Variants in PPARGC1A observed in about 807,000 individuals in gnomAD.
PPARGC1A encodes the protein PPARG coactivator 1 alpha.
In PPARGC1A, 25 loss-of-function variants were observed where a neutral mutation model predicts 88.7. That is an observed-to-expected ratio of 0.28 (90% CI 0.21 to 0.39). PPARGC1A has a LOEUF of 0.39. PPARGC1A is among the 10% of genes least tolerant of loss of function. PPARGC1A has a pLI of 1.00. For synonymous variants in PPARGC1A, 363 were observed against 355.6 expected (o/e 1.02, Z -0.24); for missense variants, 880 against 968.7 (o/e 0.91, Z 1.22).
chr4:24,198,389 C>T, the PPARGC1A span, among the ~76,000 whole-genome samples: 4 of 152,150 alleles, frequency 2.6e-5, no homozygotes, highest in African/African-American at 2.4e-5. Flanking sequence ...CTTACAGGGT[C>T]GCTGCTCCTA....
the PPARGC1A span, among the ~76,000 whole-genome samples, chr4:24,178,965 C>T: frequency 2.0e-5 from 3 of 152,146 alleles, no homozygotes; most frequent in Non-Finnish European, 4.4e-5. Flanking sequence ...CCGTATTCTT[C>T]ACCTACAGCT....
At chr4:23,945,537 A>G in the PPARGC1A span, among the ~76,000 whole-genome samples, 2 of 152,194 alleles carry the variant, frequency 1.3e-5, no homozygotes, top group African/African-American at 4.8e-5. Context: ...AGAAGCAATC[A>G]TGAGGACAGA....
In PPARGC1A at chr4:23,818,153, A is replaced by G. The variant is rs1297691277; in HGVS notation, c.878-3548T>C. 3.3e-5 allele frequency among the ~76,000 whole-genome samples: 5 copies of G among 152,184 alleles called. No individual in the cohort carries two copies. In the East Asian group the frequency reaches 7.7e-4, roughly 24 times the overall value. Reference sequence around the variant, plus strand: ...TAATGCCTCCCATAACCTCTGGATTATTTCCTGCGTGTTGATTTTCTGGGG... The same window carrying G: ...TAATGCCTCCCATAACCTCTGGATTGTTTCCTGCGTGTTGATTTTCTGGGG... On this transcript the variant is annotated intron_variant, in intron 7 of 12. Transcript: ENST00000264867.
chr4:24,065,306 G>A, the PPARGC1A span, among the ~76,000 whole-genome samples: 5 of 152,032 alleles, frequency 3.3e-5, no homozygotes, highest in Admixed American at 1.3e-4. Context: ...AGGCATTAGC[G>A]GGTCCCTTCC....
At chr4:23,944,248 C>G in the PPARGC1A span, among the ~76,000 whole-genome samples, 3 of 152,116 alleles carry the variant, frequency 2.0e-5, no homozygotes, top group African/African-American at 7.2e-5. Flanking sequence ...TAAAAAGATT[C>G]TAAAATAAAA....
At chr4:23,910,394 T>A in the PPARGC1A span, among the ~76,000 whole-genome samples, 5 of 112,174 alleles carry the variant, frequency 4.5e-5, no homozygotes, top group East Asian at 6.4e-4. Flanking sequence ...ATTATATATA[T>A]TATATATATA....
the PPARGC1A span, among the ~76,000 whole-genome samples, chr4:24,305,146 T>TATATATATATAC: frequency 1.3e-5 from 2 of 148,886 alleles, no homozygotes; most frequent in Non-Finnish European, 3.0e-5. Context: ...TATATATATA[T>TATATATATATAC]ATACATACAC....
At chr4:24,099,361 C>G in the PPARGC1A span, among the ~76,000 whole-genome samples, 1 of 149,662 alleles carries the variant, frequency 6.7e-6, no homozygotes, top group Admixed American at 6.6e-5. Context: ...ATTTTAAAAC[C>G]TTTTCTGTCA....
At chr4:24,125,146 A>G in the PPARGC1A span, among the ~76,000 whole-genome samples, 1 of 152,320 alleles carries the variant, frequency 6.6e-6, no homozygotes, top group Non-Finnish European at 1.5e-5. Flanking sequence ...CTTTAGGCAG[A>G]ATAATGAGCC....
At chr4:24,297,932 A>G in the PPARGC1A span, among the ~76,000 whole-genome samples, 1 of 152,216 alleles carries the variant, frequency 6.6e-6, no homozygotes, top group African/African-American at 2.4e-5. Context: ...TTGTTTACAA[A>G]GAGAAAATAA....
chr4:24,292,110 C>A, the PPARGC1A span, among the ~76,000 whole-genome samples: 1 of 152,118 alleles, frequency 6.6e-6, no homozygotes, highest in Non-Finnish European at 1.5e-5. Flanking sequence ...GATTCAGCCA[C>A]GCTGAAGTTT....
chr4:23,925,584 G>A, the PPARGC1A span, among the ~76,000 whole-genome samples: 1 of 152,310 alleles, frequency 6.6e-6, no homozygotes, highest in African/African-American at 2.4e-5. Flanking sequence ...AGCAGTGAAG[G>A]AGACGTATTT....
At chr4:24,221,930 A>G in the PPARGC1A span, among the ~76,000 whole-genome samples, 124,719 of 152,134 alleles carry the variant, frequency 0.82, 51,888 homozygotes, top group Middle Eastern at 0.93. Flanking sequence ...TGTTCTAGAA[A>G]CATCCCAGAT....
the PPARGC1A span, among the ~76,000 whole-genome samples, chr4:24,049,793 C>T: frequency 1.3e-5 from 2 of 152,118 alleles, no homozygotes; most frequent in South Asian, 2.1e-4. Flanking sequence ...TTAAGCTCTG[C>T]GTGCCCTTTT....
chr4:24,241,581 T>C, the PPARGC1A span, among the ~76,000 whole-genome samples: 1 of 152,256 alleles, frequency 6.6e-6, no homozygotes, highest in Non-Finnish European at 1.5e-5. Context: ...TTTTCCATTC[T>C]TATACCCATT....
At chr4:24,073,272 A>G in the PPARGC1A span, among the ~76,000 whole-genome samples, 1 of 151,904 alleles carries the variant, frequency 6.6e-6, no homozygotes, top group African/African-American at 2.4e-5. Flanking sequence ...TCCATCTCCT[A>G]ACCTTGTGAT....
At chr4:24,354,252 G>A in the PPARGC1A span, among the ~76,000 whole-genome samples, 2 of 152,080 alleles carry the variant, frequency 1.3e-5, no homozygotes, top group African/African-American at 4.8e-5. Flanking sequence ...GGCCCACCGG[G>A]ATAATCCAAG....
chr4:24,365,190 A>G, the PPARGC1A span, among the ~76,000 whole-genome samples: 25 of 152,124 alleles, frequency 1.6e-4, no homozygotes, highest in African/African-American at 5.6e-4. Flanking sequence ...GATTGATTTC[A>G]AGTTGCAATG....
chr4:24,090,780 G>A, the PPARGC1A span, among the ~76,000 whole-genome samples: 1 of 152,232 alleles, frequency 6.6e-6, no homozygotes, highest in Non-Finnish European at 1.5e-5. Flanking sequence ...GTGAAGAAGA[G>A]TAATCCAAGC....
Sources: gnomAD v4.1 joint callset for allele counts (sites outside exome capture counted in the v4.1 genomes callset) on GRCh38, gnomAD v4.1.1 for gene constraint, MANE v1.5 for transcripts, NCBI Gene and HGNC (gene_info 2026-07-23, HGNC 2026-07-21) for gene names.